Variants in KCNT1 observed in about 807,000 individuals in gnomAD.
KCNT1 encodes potassium channel subfamily T member 1.
Under a neutral mutation model 147.8 loss-of-function variants are expected in KCNT1, and 78 were observed. The ratio of observed to expected loss-of-function variants is 0.53; its 90% CI spans 0.44 to 0.64. KCNT1 has a LOEUF of 0.64. Among genes scored for constraint, KCNT1 ranks in the 30% least tolerant of loss-of-function variants. The probability of loss-of-function intolerance (pLI) is 0.00; values close to 1 mark genes in which losing one functional copy is unlikely to be tolerated. For synonymous variants in KCNT1, 867 were observed against 748.8 expected, an observed-to-expected ratio of 1.16 and a Z score of -2.58; for missense variants, 1,419 against 1,750.3, an observed-to-expected ratio of 0.81 and a Z score of 3.38.
intron 24 of KCNT1, among the ~76,000 whole-genome samples, chr9:135,783,054 G>T (rs1013904334): frequency 1.3e-5 from 2 of 152,220 alleles, no homozygotes; most frequent in Non-Finnish European, 2.9e-5. Flanking sequence ...GGGCGCACAC[G>T]CCTGCCTGTG....
At chr9:135,746,534 A>G (rs1217953422) in intron 2 of KCNT1, among the ~76,000 whole-genome samples, 5 of 152,226 alleles carry the variant, frequency 3.3e-5, no homozygotes, top group African/African-American at 1.2e-4. Context: ...GCAGGGTTGC[A>G]TCTCTCTGTT....
At chr9:135,772,092 G>A (rs1156853150) in intron 18 of KCNT1, among the ~76,000 whole-genome samples, 1 of 152,188 alleles carries the variant, frequency 6.6e-6, no homozygotes, top group Non-Finnish European at 1.5e-5. Context: ...AGCTCACTCG[G>A]GGGGCCGGGC....
At chr9:135,764,783 C>T (rs1588342001) in intron 11 of KCNT1, among the ~76,000 whole-genome samples, 1 of 152,200 alleles carries the variant, frequency 6.6e-6, no homozygotes, top group African/African-American at 2.4e-5. Context: ...CCACAGTCTC[C>T]AGCCGCCCCT....
chr9:135,794,548 C>T lies in KCNT1; in HGVS notation c.*2387C>T, dbSNP rs1200936086. The T allele has an allele frequency of 6.6e-6, 1 of 152,280 alleles. No homozygotes were observed. Among genetic ancestry groups the T allele is most frequent in the Admixed American group, 6.5e-5 (1 of 15,294 alleles). 9.4% of individuals were successfully genotyped at this position (152,280 alleles called of 1,614,324 possible). On this transcript the variant is annotated 3_prime_UTR_variant, in exon 31 of 31. Coordinates refer to ENST00000371757, the MANE Select transcript of KCNT1 (RefSeq NM_020822.3). ...AACCGCAGAGGATGCCAGCTCTAGG[C>T]CCCCTGCTCCGCCTGGAGCTCATGC...
At chr9:135,758,721 C>T (rs912374974) in intron 10 of KCNT1, among the ~76,000 whole-genome samples, 2 of 152,248 alleles carry the variant, frequency 1.3e-5, no homozygotes, top group Non-Finnish European at 2.9e-5. Context: ...AGCCCTGCAG[C>T]CCGACTCCTC....
intron 1 of KCNT1, among the ~76,000 whole-genome samples, chr9:135,710,167 G>A (rs1197882286): frequency 2.0e-5 from 3 of 152,128 alleles, no homozygotes; most frequent in African/African-American, 7.2e-5. Context: ...TATTCCTCTT[G>A]GAATAGATGA....
At chr9:135,740,284 A>C (rs10858159) in intron 2 of KCNT1, among the ~76,000 whole-genome samples, 21,003 of 152,096 alleles carry the variant, frequency 0.14, 1,621 homozygotes, top group South Asian at 0.17. Flanking sequence ...GCGTGTGGGA[A>C]CCTGCCGGGA....
chr9:135,758,203 C>T (rs78967177), intron 9 of KCNT1, among the ~76,000 whole-genome samples: 6 of 147,664 alleles, frequency 4.1e-5, no homozygotes, highest in East Asian at 2.0e-4. Context: ...CCGTGGGCCT[C>T]AGCCGAGACG....
chr9:135,717,046 G>A lies in KCNT1; in HGVS notation c.254+2326G>A, dbSNP rs571228512. Among the ~76,000 whole-genome samples, 37 of 151,496 alleles carry A rather than the reference G, an allele frequency of 2.4e-4. 1 individual carries two copies. The South Asian group carries it at 7.5e-3, about 31-fold the overall frequency. On this transcript the variant is annotated intron_variant, in intron 2 of 30. Transcript: ENST00000371757. The stretch of plus-strand genomic sequence containing the variant: ...CGGGAGGGGACCTGGCCCCTGTGGT[G>A]TTGGTGTCTATAGGACAGGAGGGGA...
At chr9:135,704,736 C>T (rs924791752) in intron 1 of KCNT1, among the ~76,000 whole-genome samples, 2 of 152,256 alleles carry the variant, frequency 1.3e-5, no homozygotes, top group South Asian at 2.1e-4. Flanking sequence ...GCCCTGGCAT[C>T]CTGCCAGGGT....
In KCNT1 at chr9:135,791,880, G is replaced by C; in HGVS notation, c.3586G>C (p.Val1196Leu). 1 of 1,613,682 alleles carries C rather than the reference G, an allele frequency of 6.2e-7. No homozygotes were observed. The highest frequency in any genetic ancestry group is 8.5e-7 in the Non-Finnish European group (1 of 1,179,918). Residue 1196 changes from valine (V) to leucine (L), a missense_variant and splice_region_variant, in exon 30 of 31, where the codon GTC (valine) becomes CTC (leucine). By Grantham distance (32) the Val-to-Leu change is conservative. This residue lies in a region of KCNT1 where 306 missense variants were observed against 294.2 expected (regional missense o/e 1.04). Coordinates refer to ENST00000371757, the MANE Select transcript of KCNT1 (RefSeq NM_020822.3). ...PDTRLEPSDI[V>L]YLIRSDPLAH... is the part of the protein sequence containing the mutation. ...CACGAGGCTGGAGCCCAGTGACATTGTGTGAGTAGCACCTGTGGGCTGTGT... is the reference window on the plus strand; with the variant it reads ...CACGAGGCTGGAGCCCAGTGACATTCTGTGAGTAGCACCTGTGGGCTGTGT...
intron 2 of KCNT1, among the ~76,000 whole-genome samples, chr9:135,744,601 G>A (rs866449229): frequency 3.9e-5 from 6 of 152,210 alleles, no homozygotes; most frequent in African/African-American, 1.4e-4. Context: ...GGGGAGCCTC[G>A]GGGGGCTACA....
intron 2 of KCNT1, among the ~76,000 whole-genome samples, chr9:135,718,155 C>A (rs1336587245): frequency 6.6e-6 from 1 of 152,238 alleles, no homozygotes; most frequent in Non-Finnish European, 1.5e-5. Flanking sequence ...TCCCATATCT[C>A]CTCATCTTCC....
Position 135,757,311 on chromosome 9 carries a change from C to T in KCNT1, c.689C>T (p.Pro230Leu). The change falls in exon 9 of 31, where the codon CCG becomes CTG. Residue 230 changes from proline to leucine, a missense_variant. Around this residue, in one of 5 missense-constraint regions of KCNT1, gnomAD observed 401 missense variants for 610.6 expected, o/e 0.66. Transcript: ENST00000371757. ...TCCCCTTCACAGATCTTCTGGCCGC[C>T]GCTGCGGAACCTGTTCATCCCCGTC... ...LPFIITIFWP[P>L]LRNLFIPVFL... 4.3e-6 allele frequency: 7 copies of T among 1,612,430 alleles called. No homozygotes were observed. The highest frequency in any genetic ancestry group is 5.1e-6 in the Non-Finnish European group (6 of 1,180,002).
chr9:135,785,297 G>GTTTC lies in KCNT1; in HGVS notation c.3157-12_3157-9dup, dbSNP rs780955265. ...CGCCCACAGGTCCCAGACTGCGCCT[G>GTTTC]TTTCCTTTGCAGCCCCACGACCTCA... On this transcript the variant is annotated splice_polypyrimidine_tract_variant and intron_variant, in intron 27 of 30. Coordinates refer to ENST00000371757, the MANE Select transcript of KCNT1 (RefSeq NM_020822.3). The GTTTC allele has an allele frequency of 1.2e-6, 2 of 1,612,868 alleles. No homozygotes were observed. Among genetic ancestry groups the GTTTC allele is most frequent in the Non-Finnish European group, 1.7e-6 (2 of 1,179,888 alleles).
At chr9:135,745,595 G>C (rs78193853) in intron 2 of KCNT1, among the ~76,000 whole-genome samples, 5,460 of 152,322 alleles carry the variant, frequency 0.036, 327 homozygotes, top group East Asian at 0.26. Flanking sequence ...GAGCAAGGGC[G>C]TCGTCCCAAG....
chr9:135,764,384 C>T (rs971132533), intron 11 of KCNT1, among the ~76,000 whole-genome samples: 38 of 152,250 alleles, frequency 2.5e-4, no homozygotes, highest in African/African-American at 6.3e-4. Flanking sequence ...GGCTTGAGCC[C>T]GGGAAGTCAA....
intron 24 of KCNT1, 101 bp downstream of exon 24, chr9:135,779,571 CT>C: frequency 3.5e-6 from 3 of 862,886 alleles, no homozygotes; most frequent in Non-Finnish European, 5.7e-6. Flanking sequence ...GGAGGCTGGG[CT>C]CCTGCCGCCC....
intron 2 of KCNT1, among the ~76,000 whole-genome samples, chr9:135,744,925 G>A (rs1020057636): frequency 3.9e-5 from 6 of 152,210 alleles, no homozygotes; most frequent in Non-Finnish European, 8.8e-5. Flanking sequence ...GGTGTGCCCC[G>A]TCCTCCCCAC....
Sources: gnomAD v4.1 joint callset for allele counts (sites outside exome capture counted in the v4.1 genomes callset) on GRCh38, gnomAD v4.1.1 for gene constraint, gnomAD v4.1.1 regional missense constraint, MANE v1.5 for transcripts, NCBI Gene and HGNC (gene_info 2026-07-23, HGNC 2026-07-21) for gene names.